The following MGST3 variants were observed in gnomAD, a reference collection of about 807,000 sequenced individuals.
MGST3 encodes the protein glutathione S-transferase 3, mitochondrial.
MGST3 carries 13 observed loss-of-function variants against 15.8 expected under a neutral mutation model. That is an observed-to-expected ratio of 0.82 (90% CI 0.54 to 1.31). The LOEUF (loss-of-function observed/expected upper bound fraction) is 1.31, where lower values mean the gene tolerates loss of function less well. Ranked by LOEUF, MGST3 falls within the 50% of genes most tolerant of loss-of-function variation. MGST3 has a pLI of 0.00. For missense variants in MGST3, 155 were observed against 192.4 expected, an observed-to-expected ratio of 0.81 and a Z score of 1.15; for synonymous variants, 49 against 68.1, an observed-to-expected ratio of 0.72 and a Z score of 1.38.
chr1:165,654,757 C>T (rs7533986), intron 5 of MGST3, among the ~76,000 whole-genome samples: 108,134 of 152,090 alleles, frequency 0.71, 38,847 homozygotes, highest in East Asian at 0.99. Flanking sequence ...GGGAAGTCAC[C>T]TGATATTTAG....
chr1:165,634,739 C>T (rs1648052864), intron 1 of MGST3, among the ~76,000 whole-genome samples: 1 of 150,112 alleles, frequency 6.7e-6, no homozygotes, highest in Non-Finnish European at 1.5e-5. Context: ...CTCAATCATG[C>T]GCTCTCTCTC....
chr1:165,647,065 C>T (rs1405825541), intron 1 of MGST3: 1 of 152,212 alleles, frequency 6.6e-6, no homozygotes, highest in Non-Finnish European at 1.5e-5. Flanking sequence ...CTCTGGGTAC[C>T]CTTACTGTGA....
At chr1:165,634,806 T>TCCCTCCCTCCCTCC (rs1648066553) in intron 1 of MGST3, among the ~76,000 whole-genome samples, 1 of 9,034 alleles carries the variant, frequency 1.1e-4, no homozygotes, top group Non-Finnish European at 2.2e-4. Flanking sequence ...CCCCCCACTC[T>TCCCTCCCTCCCTCC]CAACTGTGTA....
chr1:165,639,939 T>C (rs148367309), intron 1 of MGST3, among the ~76,000 whole-genome samples: 29 of 152,344 alleles, frequency 1.9e-4, no homozygotes, highest in African/African-American at 7.0e-4. Flanking sequence ...TGGCTGGAAG[T>C]CCTACTGATT....
chr1:165,632,084 T>C (rs764914923), intron 1 of MGST3: 2 of 637,700 alleles, frequency 3.1e-6, no homozygotes, highest in Admixed American at 5.5e-5. Flanking sequence ...TTGTGGCTTC[T>C]GCTGATACTT....
intron 1 of MGST3, among the ~76,000 whole-genome samples, chr1:165,643,891 A>T (rs535671835): frequency 4.0e-5 from 6 of 151,898 alleles, no homozygotes; most frequent in African/African-American, 9.6e-5. Context: ...AAATAAAAAA[A>T]TTTTAAAAAT....
chr1:165,640,201 A>T (rs907863338), intron 1 of MGST3, among the ~76,000 whole-genome samples: 1 of 152,124 alleles, frequency 6.6e-6, no homozygotes, highest in African/African-American at 2.4e-5. Context: ...CTCTGAAGAT[A>T]CTGAGCTGGC....
intron 1 of MGST3, chr1:165,649,387 C>T: frequency 6.2e-6 from 1 of 161,338 alleles, no homozygotes; most frequent in Non-Finnish European, 1.4e-5. Flanking sequence ...CTCCCCACTC[C>T]CTCTCTCTCC....
Position 165,638,794 on chromosome 1 carries a change from TA to T in MGST3, c.-8+7516del, listed in dbSNP as rs34399622. On this transcript the variant is annotated intron_variant, in intron 1 of 5. Transcript: ENST00000367889. ...TGTGGGACAGAGAGAGACTCCGTCT[TA>T]AAAAAAAAAAAAAACCCACATTCTA... 3.1e-3 allele frequency among the ~76,000 whole-genome samples: 460 copies of T among 146,588 alleles called. 1 individual carries two copies. Among genetic ancestry groups the T allele is most frequent in the Non-Finnish European group, 5.1e-3 (341 of 66,510 alleles).
At chr1:165,640,346 A>G (rs1337179550) in intron 1 of MGST3, among the ~76,000 whole-genome samples, 4 of 152,082 alleles carry the variant, frequency 2.6e-5, no homozygotes, top group African/African-American at 9.7e-5. Context: ...CTCTGATCTC[A>G]TCAGCCCCAT....
chr1:165,642,898 G>A (rs554106928), intron 1 of MGST3, among the ~76,000 whole-genome samples: 1 of 152,336 alleles, frequency 6.6e-6, no homozygotes, highest in South Asian at 2.1e-4. Context: ...ACTCAAGCCA[G>A]AAGTCAGGTC....
intron 1 of MGST3, among the ~76,000 whole-genome samples, chr1:165,644,162 G>A (rs1648333535): frequency 6.6e-6 from 1 of 152,080 alleles, no homozygotes; most frequent in Admixed American, 6.5e-5. Context: ...TTTAACTACA[G>A]TTATGTGTTC....
intron 1 of MGST3, chr1:165,636,775 G>C (rs1648126042): frequency 6.6e-6 from 1 of 152,128 alleles, no homozygotes; most frequent in African/African-American, 2.4e-5. Context: ...TTCCCTCTAG[G>C]CTCTTTAATT....
intron 1 of MGST3, among the ~76,000 whole-genome samples, chr1:165,637,891 C>T (rs577840919): frequency 3.3e-5 from 5 of 152,230 alleles, no homozygotes; most frequent in African/African-American, 1.2e-4. Flanking sequence ...TTACTTAAAA[C>T]CCATTGGGTG....
rs757249569 is a variant in MGST3 at position 165,654,456 on chromosome 1, GA to G, written c.322+107del. 82 of 1,021,218 alleles carry G rather than the reference GA, an allele frequency of 8.0e-5. 1 individual carries two copies. In the South Asian group the frequency reaches 9.9e-4, roughly 12 times the overall value. 63.3% of individuals were successfully genotyped at this position (1,021,218 alleles called of 1,614,324 possible). On this transcript the variant is annotated intron_variant, in intron 5 of 5. Transcript: ENST00000367889. ...CTGTAATCCCAGCACTTTGGGAGGC[GA>G]AGGCAGGCAGATTGCTTGAGCTCAG...
At chr1:165,655,299 C>T in intron 5 of MGST3, 69 bp from the exon 6 acceptor site, 1 of 1,589,154 alleles carries the variant, frequency 6.3e-7, no homozygotes, top group Non-Finnish European at 8.6e-7. Context: ...GATAGAATGG[C>T]TTGCGAATGT....
intron 4 of MGST3, among the ~76,000 whole-genome samples, chr1:165,652,913 G>C (rs916356850): frequency 1.3e-5 from 2 of 152,162 alleles, no homozygotes; most frequent in African/African-American, 4.8e-5. Context: ...ATTGCCATTT[G>C]GGTCTTGTCT....
At position 165,649,954 on chromosome 1, in the gene MGST3, A is replaced by G. The variant is rs748833680; in HGVS notation, c.107A>G (p.Tyr36Cys). 1.9e-6 allele frequency: 3 copies of G among 1,614,116 alleles called. No individual in the cohort carries two copies. The highest frequency in any genetic ancestry group is 3.3e-4 in the Middle Eastern group (2 of 5,988). The change falls in exon 2 of 6, where the codon TAC becomes TGC. Residue 36 changes from tyrosine to cysteine, a missense_variant. By Grantham distance (194) the Tyr-to-Cys change is radical. Transcript: ENST00000367889. ...AINVSKARKK[Y>C]KVEYPIMYST... is the part of the protein sequence containing the mutation. ...AATGTTTCCAAGGCCCGCAAGAAGT[A>G]CAAAGTGGAGGTAAGTGGGAACACA...
At chr1:165,632,356 C>T in intron 1 of MGST3, 1 of 1,482,088 alleles carries the variant, frequency 6.7e-7, no homozygotes, top group Non-Finnish European at 9.4e-7. Context: ...TGCAGCGCTT[C>T]TCTTGGGAAA....
Sources: gnomAD v4.1 joint callset for allele counts (sites outside exome capture counted in the v4.1 genomes callset) on GRCh38, gnomAD v4.1.1 for gene constraint, MANE v1.5 for transcripts, NCBI Gene and HGNC (gene_info 2026-07-23, HGNC 2026-07-21) for gene names.